The following UBAC2 variants were observed in gnomAD, a reference collection of about 807,000 sequenced individuals.
UBAC2 encodes the protein ubiquitin-associated domain-containing protein 2.
A neutral mutation model predicts 44.0 loss-of-function variants in UBAC2; 26 were observed. That is an observed-to-expected ratio of 0.59 (90% CI 0.43 to 0.82). The LOEUF (loss-of-function observed/expected upper bound fraction) is 0.82. Among genes scored for constraint, UBAC2 ranks in the 40% least tolerant of loss-of-function variants. The pLI, the probability that UBAC2 is intolerant of heterozygous loss-of-function variation, is 0.00. For synonymous variants in UBAC2, 155 were observed against 154.3 expected, an observed-to-expected ratio of 1.00 and a Z score of -0.04; for missense variants, 329 against 419.4, an observed-to-expected ratio of 0.78 and a Z score of 1.88.
intron 4 of UBAC2, among the ~76,000 whole-genome samples, chr13:99,274,079 C>T (rs2043851908): frequency 6.6e-6 from 1 of 152,062 alleles, no homozygotes; most frequent in African/African-American, 2.4e-5. Flanking sequence ...TGACCCACTC[C>T]CTAAAAGGTC....
chr13:99,329,338 A>G (rs2044683107), intron 6 of UBAC2, among the ~76,000 whole-genome samples: 1 of 152,192 alleles, frequency 6.6e-6, no homozygotes, highest in Non-Finnish European at 1.5e-5. Flanking sequence ...AGGGGAAAAG[A>G]GTTAAGATTT....
intron 7 of UBAC2, among the ~76,000 whole-genome samples, chr13:99,358,810 A>G (rs182806708): frequency 1.3e-5 from 2 of 152,242 alleles, no homozygotes; most frequent in African/African-American, 4.8e-5. Flanking sequence ...ACCCCAAGAC[A>G]GGGGACACAG....
intron 8 of UBAC2, among the ~76,000 whole-genome samples, chr13:99,376,420 C>A (rs373692023): frequency 6.6e-6 from 1 of 152,106 alleles, no homozygotes; most frequent in Non-Finnish European, 1.5e-5. Flanking sequence ...GGGTCTTCAT[C>A]CCTGTGGGGG....
chr13:99,207,501 C>A (rs2042886669), intron 1 of UBAC2, among the ~76,000 whole-genome samples: 1 of 152,188 alleles, frequency 6.6e-6, no homozygotes, highest in African/African-American at 2.4e-5. Flanking sequence ...TCTCCCTTCA[C>A]TTTTTAGCCT....
chr13:99,338,258 A>C (rs1267245699), intron 6 of UBAC2, among the ~76,000 whole-genome samples: 1 of 151,616 alleles, frequency 6.6e-6, no homozygotes, highest in East Asian at 1.9e-4. Context: ...GGTTTTTACC[A>C]TGTTGGCCAG....
intron 7 of UBAC2, among the ~76,000 whole-genome samples, chr13:99,366,506 G>T (rs1354598793): frequency 1.3e-5 from 2 of 152,140 alleles, no homozygotes; most frequent in African/African-American, 4.8e-5. Context: ...TGGGTTCTGA[G>T]ACCATGAATA....
At chr13:99,270,781 T>C (rs752026714) in intron 4 of UBAC2, among the ~76,000 whole-genome samples, 29 of 152,236 alleles carry the variant, frequency 1.9e-4, no homozygotes, top group Admixed American at 5.2e-4. Context: ...TAATCTTTTA[T>C]GGTAAATTAT....
At position 99,282,916 on chromosome 13, in the gene UBAC2, G is replaced by A. The variant is rs556092375; in HGVS notation, c.390-31181G>A. On this transcript the variant is annotated intron_variant, in intron 4 of 8. Transcript: ENST00000403766. The stretch of plus-strand genomic sequence containing the variant: ...TGTGTTGAGTTCTGAAATATCTAAT[G>A]TGCTTGAAATCTAATGTGCTTTTGT... Among the ~76,000 whole-genome samples the A allele has an allele frequency of 1.2e-3, 185 of 152,306 alleles. 1 individual carries two copies. Among genetic ancestry groups the A allele is most frequent in the Non-Finnish European group, 2.2e-3 (147 of 68,014 alleles).
intron 4 of UBAC2, among the ~76,000 whole-genome samples, chr13:99,303,254 T>C (rs918791038): frequency 2.0e-5 from 3 of 152,224 alleles, no homozygotes; most frequent in Admixed American, 2.0e-4. Flanking sequence ...GTCTACTGTT[T>C]CCTCTTTGTG....
At chr13:99,375,326 G>A (rs1470720840) in intron 8 of UBAC2, among the ~76,000 whole-genome samples, 3 of 152,032 alleles carry the variant, frequency 2.0e-5, no homozygotes, top group Non-Finnish European at 4.4e-5. Flanking sequence ...TGGTCAGACA[G>A]GGAGAGGGGG....
intron 6 of UBAC2, among the ~76,000 whole-genome samples, chr13:99,335,457 C>T (rs55760478): frequency 0.03 from 4,630 of 151,904 alleles, 96 homozygotes; most frequent in Middle Eastern, 0.13. Context: ...CCTCTGCCTA[C>T]CCCCTACCCT....
Position 99,299,179 on chromosome 13 carries a change from C to G in UBAC2, c.390-14918C>G, listed in dbSNP as rs571828123. On this transcript the variant is annotated intron_variant, in intron 4 of 8. Transcript: ENST00000403766. ...GACTGCATCACCAAATAAGATGCAGCATCTAGCAGAGCCAGAGATTGCAGG... is the reference window on the plus strand; with the variant it reads ...GACTGCATCACCAAATAAGATGCAGGATCTAGCAGAGCCAGAGATTGCAGG... Among the ~76,000 whole-genome samples the G allele has an allele frequency of 2.6e-5, 4 of 152,286 alleles. No individual in the cohort carries two copies. In the South Asian group the frequency reaches 8.3e-4, roughly 32 times the overall value.
intron 7 of UBAC2, among the ~76,000 whole-genome samples, chr13:99,343,930 T>C (rs568244260): frequency 2.2e-4 from 34 of 152,352 alleles, no homozygotes; most frequent in African/African-American, 7.2e-4. Context: ...TTTCAACAAA[T>C]AAGTACTTAG....
At chr13:99,239,857 G>T (rs1410443899) in intron 2 of UBAC2, among the ~76,000 whole-genome samples, 1 of 152,184 alleles carries the variant, frequency 6.6e-6, no homozygotes, top group Non-Finnish European at 1.5e-5. Context: ...TAGGTCACAG[G>T]TGTACATGAC....
chr13:99,239,822 C>G (rs953682852), intron 2 of UBAC2, among the ~76,000 whole-genome samples: 2 of 152,174 alleles, frequency 1.3e-5, no homozygotes, highest in East Asian at 1.9e-4. Context: ...TCTAAACACA[C>G]GCATACACAT....
At chr13:99,340,776 C>A (rs1402370798) in intron 7 of UBAC2, among the ~76,000 whole-genome samples, 2 of 152,160 alleles carry the variant, frequency 1.3e-5, no homozygotes, top group Non-Finnish European at 2.9e-5. Context: ...AAAGATTGGT[C>A]AAACTGGACA....
At chr13:99,343,467 G>A (rs553098336) in intron 7 of UBAC2, among the ~76,000 whole-genome samples, 2 of 152,320 alleles carry the variant, frequency 1.3e-5, no homozygotes, top group Admixed American at 6.5e-5. Context: ...CTGCTGGAGC[G>A]TGCATTCCCA....
At chr13:99,272,860 G>A (rs947796242) in intron 4 of UBAC2, among the ~76,000 whole-genome samples, 2 of 152,126 alleles carry the variant, frequency 1.3e-5, no homozygotes, top group Non-Finnish European at 2.9e-5. Context: ...CATGTATATT[G>A]TGTGTGTATG....
chr13:99,311,025 C>A (rs760303465), intron 4 of UBAC2, among the ~76,000 whole-genome samples: 22 of 152,100 alleles, frequency 1.4e-4, no homozygotes, highest in Non-Finnish European at 2.9e-4. Flanking sequence ...AGGAAGGGGG[C>A]TTTTTAAAAC....
Sources: allele counts gnomAD v4.1 joint callset (sites outside exome capture counted in the v4.1 genomes callset), GRCh38; gene constraint gnomAD v4.1.1; transcripts MANE v1.5; gene names NCBI Gene and HGNC (gene_info 2026-07-23, HGNC 2026-07-21).